ADGRF5: variants seen among roughly 807,000 people sequenced by gnomAD.
The protein encoded by ADGRF5 is adhesion G protein-coupled receptor F5.
A neutral mutation model predicts 132.3 loss-of-function variants in ADGRF5; 75 were observed. That is an observed-to-expected ratio of 0.57 (90% CI 0.47 to 0.69). ADGRF5 has a LOEUF of 0.69. Among genes scored for constraint, ADGRF5 ranks in the 30% least tolerant of loss-of-function variants. The pLI is 0.00. For missense variants in ADGRF5, 1,516 were observed against 1,630.6 expected (o/e 0.93, Z 1.21); for synonymous variants, 629 against 597.6 (o/e 1.05, Z -0.77).
intron 1 of ADGRF5, among the ~76,000 whole-genome samples, chr6:46,930,558 G>A (rs545045088): frequency 1.3e-5 from 2 of 152,112 alleles, no homozygotes; most frequent in East Asian, 3.9e-4. Context: ...TCCGAGAGCA[G>A]TTATTTATGG....
intron 13 of ADGRF5, among the ~76,000 whole-genome samples, chr6:46,865,762 G>A (rs1385206020): frequency 2.6e-5 from 4 of 152,174 alleles, no homozygotes. Context: ...AGTGTTTATT[G>A]AGTCCCCACT....
chr6:46,856,875 C>G lies in ADGRF5; in HGVS notation c.3808G>C (p.Asp1270His). 1.2e-6 allele frequency: 2 copies of G among 1,610,198 alleles called. No individual in the cohort carries two copies. The highest frequency in any genetic ancestry group is 1.7e-6 in the Non-Finnish European group (2 of 1,178,306). Reference sequence around the variant, plus strand: ...ACTGTCATTGCTCTTACCTTCAGATCCCAGAGGCATCCAAAGAGTAAAATG... The same window carrying G: ...ACTGTCATTGCTCTTACCTTCAGATGCCAGAGGCATCCAAAGAGTAAAATG... ...LFILLFGCLW[D>H]LKVQEALLNK... Residue 1270 changes from aspartate (D) to histidine (H), a missense_variant, in exon 18 of 21, where the codon GAT (aspartate) becomes CAT (histidine). Asp to His is a moderately conservative substitution (Grantham distance 81, BLOSUM62 -1). This residue lies in a region of ADGRF5 where 571 missense variants were observed against 701.2 expected (regional missense o/e 0.81). Coordinates refer to ENST00000283296, the MANE Select transcript of ADGRF5 (RefSeq NM_001098518.2).
intron 3 of ADGRF5, among the ~76,000 whole-genome samples, chr6:46,893,373 T>C (rs1362331071): frequency 1.3e-5 from 2 of 152,022 alleles, no homozygotes; most frequent in South Asian, 2.1e-4. Flanking sequence ...TGAGACTTTT[T>C]CCCCTGTAAT....
Position 46,940,706 on chromosome 6 carries a change from A to C in ADGRF5, c.-25+14028T>G, listed in dbSNP as rs547413395. Among the ~76,000 whole-genome samples, 38 of 152,322 alleles carry C rather than the reference A, an allele frequency of 2.5e-4. No homozygotes were observed. In the East Asian group the frequency reaches 6.4e-3, roughly 26 times the overall value. On this transcript the variant is annotated intron_variant, in intron 1 of 20. Transcript: ENST00000265417. ...CAACAAGTGACTTCCTGCTTTGCAA[A>C]GAGAAATTTCAAAGGGCTGATTTTT...
At chr6:46,944,628 A>G (rs1029237907) in intron 1 of ADGRF5, among the ~76,000 whole-genome samples, 2 of 152,216 alleles carry the variant, frequency 1.3e-5, no homozygotes, top group Non-Finnish European at 2.9e-5. Flanking sequence ...TGTGCTTTGC[A>G]TCTCCATGTA....
At position 46,863,322 on chromosome 6, in the gene ADGRF5, A is replaced by G. The variant is rs780842121; in HGVS notation, c.1991-226T>C. ...CTGTAATCGGAACTTCCTTTTCCTA[A>G]CAGAATTTTATACCTTCATCTGGAG... On this transcript the variant is annotated intron_variant, in intron 14 of 20. Transcript: ENST00000283296. 1.9e-5 allele frequency: 12 copies of G among 646,494 alleles called. 1 individual carries two copies. The highest frequency in any genetic ancestry group is 1.8e-4 in the South Asian group (12 of 66,186). The allele number at this position is 646,494 out of a possible 1,614,324, so 40.0% of individuals were successfully genotyped here.
chr6:46,874,255 A>C (rs1203271495), intron 10 of ADGRF5, among the ~76,000 whole-genome samples: 1 of 152,126 alleles, frequency 6.6e-6, no homozygotes, highest in East Asian at 1.9e-4. Context: ...TCTCTGAAAA[A>C]TTAGATCATC....
rs764733613 is a variant in ADGRF5, at chr6:46,860,683, C to T, written c.2379+32G>A. 5 of 1,562,916 alleles carry T rather than the reference C, an allele frequency of 3.2e-6. No homozygotes were observed. In the South Asian group the frequency reaches 5.7e-5, roughly 18 times the overall value. ...ATTCTGAGGGGTGAAAAGGTAAGACCCAAAACTCCTGCAAAGGTTAAGCAA... is the reference window on the plus strand; with the variant it reads ...ATTCTGAGGGGTGAAAAGGTAAGACTCAAAACTCCTGCAAAGGTTAAGCAA... On this transcript the variant is annotated intron_variant, in intron 16 of 20. Coordinates refer to ENST00000283296, the MANE Select transcript of ADGRF5 (RefSeq NM_001098518.2).
chr6:46,898,407 G>T (rs921171964), intron 3 of ADGRF5, among the ~76,000 whole-genome samples: 1 of 152,262 alleles, frequency 6.6e-6, no homozygotes, highest in African/African-American at 2.4e-5. Context: ...AAGTTTAAAG[G>T]GTTGTCGGGA....
intron 16 of ADGRF5, among the ~76,000 whole-genome samples, chr6:46,860,329 T>A (rs1349334696): frequency 6.6e-6 from 1 of 152,222 alleles, no homozygotes; most frequent in Non-Finnish European, 1.5e-5. Context: ...GTGAATTCTT[T>A]ATCCTCCCAG....
chr6:46,880,058 G>C lies in ADGRF5; in HGVS notation c.815-19C>G, dbSNP rs1489146525. ...CTTTCATCTGGAAACCCAAAGAAAA[G>C]TTAATAAGATCCCAAAGCAAATAAA... is the stretch of plus-strand genomic sequence containing the variant. On this transcript the variant is annotated intron_variant, in intron 8 of 20. Coordinates refer to ENST00000283296, the MANE Select transcript of ADGRF5 (RefSeq NM_001098518.2). The C allele has an allele frequency of 7.1e-6, 11 of 1,559,364 alleles. No individual in the cohort carries two copies. The highest frequency in any genetic ancestry group is 9.7e-6 in the Non-Finnish European group (11 of 1,130,414).
chr6:46,885,659 G>A (rs1036642977), intron 4 of ADGRF5, among the ~76,000 whole-genome samples: 10 of 152,110 alleles, frequency 6.6e-5, no homozygotes, highest in African/African-American at 1.9e-4. Context: ...TGACTTTCAC[G>A]GCTTTAGTGC....
At chr6:46,877,324 T>TC (rs1223184178) in intron 10 of ADGRF5, among the ~76,000 whole-genome samples, 411 of 13,108 alleles carry the variant, frequency 0.031, 1 homozygote, top group South Asian at 0.078. Context: ...CTTCCTTCCT[T>TC]CTTTCTTTCT....
rs1223341237 is a variant in ADGRF5, at chr6:46,953,671, A to C, written c.-25+1063T>G. Among the ~76,000 whole-genome samples the C allele has an allele frequency of 2.4e-3, 324 of 132,246 alleles. 10 individuals carry two copies. The highest frequency in any genetic ancestry group is 8.7e-3 in the African/African-American group (291 of 33,606). The allele number at this position is 132,246 out of a possible 152,430, so 86.8% of individuals were successfully genotyped here. A position where few individuals can be genotyped will look rare whatever the true frequency, so the allele number is the denominator to read the frequency against. ...TATGTGTATATATATATATATATAT[A>C]TATATATATATATATATATCTCACT... is the stretch of plus-strand genomic sequence containing the variant. On this transcript the variant is annotated intron_variant, in intron 1 of 20. Coordinates refer to the ADGRF5 transcript ENST00000265417.
upstream of ADGRF5, among the ~76,000 whole-genome samples, chr6:46,926,676 A>G (rs1481368054): frequency 1.3e-5 from 2 of 152,170 alleles, no homozygotes; most frequent in Admixed American, 1.3e-4. Context: ...TCTGATGCCC[A>G]TGGTATGAAA....
chr6:46,951,378 C>T (rs962560289), intron 1 of ADGRF5, among the ~76,000 whole-genome samples: 2 of 152,210 alleles, frequency 1.3e-5, no homozygotes, highest in Non-Finnish European at 2.9e-5. Context: ...CAGTTTACTT[C>T]AGCCTAAACC....
intron 2 of ADGRF5, among the ~76,000 whole-genome samples, chr6:46,900,660 C>T (rs998880062): frequency 6.6e-6 from 1 of 152,224 alleles, no homozygotes; most frequent in Non-Finnish European, 1.5e-5. Flanking sequence ...GGGTACAAGA[C>T]TGTGCCACTT....
chr6:46,936,911 G>A (rs1777857734), intron 1 of ADGRF5, among the ~76,000 whole-genome samples: 1 of 152,170 alleles, frequency 6.6e-6, no homozygotes, highest in African/African-American at 2.4e-5. Flanking sequence ...CTGCCCTCTA[G>A]CCACAGATCC....
At chr6:46,884,589 A>G (rs542669794) in intron 4 of ADGRF5, among the ~76,000 whole-genome samples, 1 of 152,316 alleles carries the variant, frequency 6.6e-6, no homozygotes, top group East Asian at 1.9e-4. Context: ...AGCCTCCAAG[A>G]TGACCTTTGC....
Sources: allele counts gnomAD v4.1 joint callset (sites outside exome capture counted in the v4.1 genomes callset), GRCh38; gene constraint gnomAD v4.1.1; regional missense constraint gnomAD v4.1.1; transcripts MANE v1.5; gene names NCBI Gene and HGNC (gene_info 2026-07-23, HGNC 2026-07-21).